Variants in KCNK2 observed in about 807,000 individuals in gnomAD.
KCNK2 encodes potassium channel subfamily K member 2.
Under a neutral mutation model 40.5 loss-of-function variants are expected in KCNK2, and 21 were observed. The ratio of observed to expected loss-of-function variants is 0.52; its 90% CI spans 0.37 to 0.75. The LOEUF is 0.75. Ranked by LOEUF, KCNK2 falls within the 30% of genes least tolerant of loss-of-function variation. The probability of loss-of-function intolerance (pLI) is 0.00; values close to 1 mark genes in which losing one functional copy is unlikely to be tolerated. For missense variants in KCNK2, 399 were observed against 531.6 expected (o/e 0.75, Z 2.45); for synonymous variants, 191 against 202.2 (o/e 0.94, Z 0.47).
intron 6 of KCNK2, among the ~76,000 whole-genome samples, chr1:215,215,599 CACAG>C (rs1457907047): frequency 1.3e-5 from 2 of 152,048 alleles, no homozygotes; most frequent in East Asian, 1.9e-4. Flanking sequence ...CTCTGATGGC[CACAG>C]ACAAAGGGTG....
intron 1 of KCNK2, among the ~76,000 whole-genome samples, chr1:215,047,646 C>G (rs186284607): frequency 6.0e-4 from 91 of 152,160 alleles, no homozygotes; most frequent in Middle Eastern, 6.8e-3. Context: ...AGAAAAACTT[C>G]AAATATCCTA....
At chr1:215,007,147 A>G (rs796862463) in intron 1 of KCNK2, among the ~76,000 whole-genome samples, 3,977 of 117,340 alleles carry the variant, frequency 0.034, 250 homozygotes, top group Middle Eastern at 0.081. Context: ...ATATATGTGT[A>G]TATATATATG....
chr1:215,103,136 G>A (rs1660294030), intron 2 of KCNK2, among the ~76,000 whole-genome samples: 1 of 151,914 alleles, frequency 6.6e-6, no homozygotes, highest in Non-Finnish European at 1.5e-5. Flanking sequence ...GATGCTTAGG[G>A]TGATGAGACA....
At chr1:215,195,195 A>AT in intron 6 of KCNK2, 103 bp downstream of exon 6, 2 of 957,414 alleles carry the variant, frequency 2.1e-6, no homozygotes, top group Non-Finnish European at 2.9e-6. Flanking sequence ...AACATTTTAA[A>AT]ATGTTAATAT....
intron 2 of KCNK2, among the ~76,000 whole-genome samples, chr1:215,097,180 T>A (rs7520883): frequency 0.011 from 1,610 of 152,114 alleles, 22 homozygotes; most frequent in African/African-American, 0.036. Context: ...CAATGACATA[T>A]TAATGTCTGG....
At chr1:215,134,151 A>G (rs553256125) in intron 3 of KCNK2, among the ~76,000 whole-genome samples, 1 of 152,284 alleles carries the variant, frequency 6.6e-6, no homozygotes, top group African/African-American at 2.4e-5. Flanking sequence ...GACTTGACAC[A>G]GGGCATTTCT....
At chr1:215,199,059 G>A (rs1486122420) in intron 6 of KCNK2, among the ~76,000 whole-genome samples, 1 of 152,108 alleles carries the variant, frequency 6.6e-6, no homozygotes, top group Non-Finnish European at 1.5e-5. Flanking sequence ...GCTCATGCCT[G>A]TACTTTGGGA....
intron 2 of KCNK2, among the ~76,000 whole-genome samples, chr1:215,089,868 C>A (rs2102534912): frequency 6.6e-6 from 1 of 151,104 alleles, no homozygotes; most frequent in African/African-American, 2.4e-5. Flanking sequence ...CTCTTGTTGC[C>A]CAGCCTGGAG....
intron 1 of KCNK2, among the ~76,000 whole-genome samples, chr1:215,048,953 A>T (rs1047359842): frequency 2.6e-5 from 4 of 152,188 alleles, no homozygotes; most frequent in Non-Finnish European, 5.9e-5. Flanking sequence ...TCACAAATAA[A>T]TCCACAATGG....
At chr1:215,089,276 G>C (rs1426102102) in intron 2 of KCNK2, among the ~76,000 whole-genome samples, 2 of 152,140 alleles carry the variant, frequency 1.3e-5, no homozygotes, top group African/African-American at 4.8e-5. Flanking sequence ...TTTTGGTCAG[G>C]CATTTTTCCT....
intron 3 of KCNK2, among the ~76,000 whole-genome samples, chr1:215,147,975 A>G (rs1419835839): frequency 6.6e-6 from 1 of 150,694 alleles, no homozygotes. Flanking sequence ...CCTACTTTCA[A>G]CTCTTTTGCC....
intron 3 of KCNK2, among the ~76,000 whole-genome samples, chr1:215,150,929 CT>C (rs1662660728): frequency 6.6e-6 from 1 of 151,428 alleles, no homozygotes; most frequent in African/African-American, 2.4e-5. Context: ...ATCATTTTTC[CT>C]GATTTTAAGA....
intron 5 of KCNK2, among the ~76,000 whole-genome samples, chr1:215,181,827 C>T (rs1197981797): frequency 6.6e-6 from 1 of 152,168 alleles, no homozygotes; most frequent in Non-Finnish European, 1.5e-5. Flanking sequence ...TTTTGGATTG[C>T]TCAGTGTTTT....
intron 1 of KCNK2, among the ~76,000 whole-genome samples, chr1:215,077,304 C>A (rs1658979451): frequency 6.6e-6 from 1 of 152,100 alleles, no homozygotes; most frequent in Non-Finnish European, 1.5e-5. Context: ...TTGTCTCTCC[C>A]TGAGTTTTTA....
chr1:215,177,004 T>C (rs1664005810), intron 5 of KCNK2, among the ~76,000 whole-genome samples: 1 of 152,152 alleles, frequency 6.6e-6, no homozygotes, highest in African/African-American at 2.4e-5. Context: ...GCATCTGTTG[T>C]TTCTTAAATT....
chr1:215,010,694 C>A (rs182052234), intron 1 of KCNK2, among the ~76,000 whole-genome samples: 1 of 152,254 alleles, frequency 6.6e-6, no homozygotes, highest in Non-Finnish European at 1.5e-5. Context: ...TAAAAAGCAA[C>A]CAGCAACTTT....
chr1:215,184,884 C>A (rs1166334475), intron 5 of KCNK2, among the ~76,000 whole-genome samples: 1 of 151,968 alleles, frequency 6.6e-6, no homozygotes, highest in African/African-American at 2.4e-5. Flanking sequence ...AAAAAAAATA[C>A]AAAAAGTATA....
At chr1:215,032,004 G>T (rs1345194273) in intron 1 of KCNK2, among the ~76,000 whole-genome samples, 1 of 151,878 alleles carries the variant, frequency 6.6e-6, no homozygotes, top group East Asian at 1.9e-4. Context: ...TATCATTGCG[G>T]TCAATCATTT....
intron 3 of KCNK2, among the ~76,000 whole-genome samples, chr1:215,127,837 T>A (rs1316790516): frequency 3.3e-5 from 5 of 152,224 alleles, no homozygotes; most frequent in African/African-American, 1.2e-4. Context: ...AACTATGACT[T>A]ATTGGAAATT....
Sources: allele counts gnomAD v4.1 joint callset (sites outside exome capture counted in the v4.1 genomes callset), GRCh38; gene constraint gnomAD v4.1.1; transcripts MANE v1.5; gene names NCBI Gene and HGNC (gene_info 2026-07-23, HGNC 2026-07-21).